The following SNX1 variants were observed in gnomAD, a reference collection of about 807,000 sequenced individuals.
SNX1 encodes the protein sorting nexin-1.
In SNX1, 36 loss-of-function variants were observed where a neutral mutation model predicts 71.8. That is an observed-to-expected ratio of 0.50 (90% confidence interval 0.38 to 0.66). SNX1 has a LOEUF of 0.66. Ranked by LOEUF, SNX1 falls within the 30% of genes least tolerant of loss-of-function variation. The probability of loss-of-function intolerance (pLI) is 0.00; values close to 1 mark genes in which losing one functional copy is unlikely to be tolerated. For synonymous variants in SNX1, 254 were observed against 240.7 expected (o/e 1.06, Z -0.51); for missense variants, 612 against 646.7 (o/e 0.95, Z 0.58).
At position 64,143,088 on chromosome 15, in the gene SNX1, C is replaced by T. The variant is rs1458595197; in HGVS notation, c.*5470C>T. The T allele has an allele frequency of 5.7e-6, 1 of 174,264 alleles. No homozygotes were observed. Among genetic ancestry groups the T allele is most frequent in the African/African-American group, 2.4e-5 (1 of 41,774 alleles). 10.8% of individuals were successfully genotyped at this position (174,264 alleles called of 1,614,324 possible). On this transcript the variant is annotated 3_prime_UTR_variant, in exon 15 of 15. Transcript: ENST00000559844. ...AAGCCCCAAGGTGGTGGGATTTTCC[C>T]CACCAGTACTTGGCAGCCTAGGGGG...
intron 2 of SNX1, 101 bp downstream of exon 2, chr15:64,112,785 TA>T: frequency 1.5e-6 from 1 of 653,354 alleles, no homozygotes; most frequent in Non-Finnish European, 2.6e-6. Context: ...ATTGGGAACA[TA>T]ACTTTATGTA....
intron 1 of SNX1, among the ~76,000 whole-genome samples, chr15:64,102,761 C>T (rs1419260681): frequency 2.6e-5 from 2 of 76,424 alleles, no homozygotes. Context: ...ACCACGCCTT[C>T]TTTTTTTTTT....
chr15:64,127,653 T>A, intron 7 of SNX1, 78 bp from the exon 8 acceptor site: 1 of 992,610 alleles, frequency 1.0e-6, no homozygotes. Context: ...AGACATGGTA[T>A]CACTGCCAGC....
At chr15:64,110,223 G>GA (rs1171746827) in intron 1 of SNX1, among the ~76,000 whole-genome samples, 2 of 152,146 alleles carry the variant, frequency 1.3e-5, no homozygotes, top group African/African-American at 2.4e-5. Context: ...GAGAACTACA[G>GA]AAAAAAGATT....
At chr15:64,104,076 A>G (rs764321272) in intron 1 of SNX1, among the ~76,000 whole-genome samples, 3 of 152,138 alleles carry the variant, frequency 2.0e-5, no homozygotes, top group Admixed American at 6.6e-5. Flanking sequence ...AAAAAGTGAT[A>G]GGTATATGCA....
In SNX1 at chr15:64,142,809, G is replaced by A. The variant is rs2140169401; in HGVS notation, c.*5191G>A. 1.6e-5 allele frequency: 6 copies of A among 371,036 alleles called. No homozygotes were observed. The highest frequency in any genetic ancestry group is 1.1e-4 in the South Asian group (6 of 52,314). The allele number at this position is 371,036 out of a possible 1,614,324, so 23.0% of individuals were successfully genotyped here. A position where few individuals can be genotyped will look rare whatever the true frequency, so the allele number is the denominator to read the frequency against. On this transcript the variant is annotated 3_prime_UTR_variant, in exon 15 of 15. Transcript: ENST00000559844. ...AGTGACAAAATAAATGAGAGAAACGGGAATAAGAATTGTCGCCTACACAAA... is the reference window on the plus strand; with the variant it reads ...AGTGACAAAATAAATGAGAGAAACGAGAATAAGAATTGTCGCCTACACAAA...
At chr15:64,098,075 C>T (rs2080921573) in intron 1 of SNX1, among the ~76,000 whole-genome samples, 1 of 152,204 alleles carries the variant, frequency 6.6e-6, no homozygotes, top group Non-Finnish European at 1.5e-5. Flanking sequence ...CCCTGTGTTG[C>T]CCAGGCTTGT....
rs1260715058 is a variant in SNX1, at chr15:64,104,864, G to A, written c.160-7709G>A. On this transcript the variant is annotated intron_variant, in intron 1 of 14. Transcript: ENST00000559844. ...TGCGCCACTGCACTCCAGCCTGGGC[G>A]ACAGAGCAAGACTTGATCTTAAAAA... Among the ~76,000 whole-genome samples the A allele has an allele frequency of 2.3e-4, 33 of 144,252 alleles. 1 individual carries two copies. The highest frequency in any genetic ancestry group is 2.2e-4 in the South Asian group (1 of 4,546). The allele number at this position is 144,252 out of a possible 152,430, so 94.6% of individuals were successfully genotyped here.
At chr15:64,122,797 T>G (rs565571734) in intron 4 of SNX1, among the ~76,000 whole-genome samples, 1 of 152,182 alleles carries the variant, frequency 6.6e-6, no homozygotes, top group Non-Finnish European at 1.5e-5. Flanking sequence ...TTTATCTCCT[T>G]AAGTGGTCTA....
In SNX1 at chr15:64,141,026, T is replaced by TG. The variant is rs1567337234; in HGVS notation, c.*3409dup. Reference sequence around the variant, plus strand: ...ATAGATAGATAGATAGATAGATAGATGATAGATATAGATAGATAGATAGAT... The same window carrying TG: ...ATAGATAGATAGATAGATAGATAGATGGATAGATATAGATAGATAGATAGAT... On this transcript the variant is annotated 3_prime_UTR_variant, in exon 15 of 15. Transcript: ENST00000559844. This position sits in a 1 kb window ranked among gnomAD's most constrained non-coding sequence, Gnocchi z 5.1. 2.4e-5 allele frequency: 2 copies of TG among 83,730 alleles called. No homozygotes were observed. The highest frequency in any genetic ancestry group is 9.8e-5 in the African/African-American group (2 of 20,484). 5.2% of individuals were successfully genotyped at this position (83,730 alleles called of 1,614,324 possible). A position where few individuals can be genotyped will look rare whatever the true frequency, so the allele number is the denominator to read the frequency against.
At chr15:64,096,312 T>G in intron 1 of SNX1, 140 bp downstream of exon 1, 4 of 1,033,932 alleles carry the variant, frequency 3.9e-6, no homozygotes, top group African/African-American at 3.3e-5. Context: ...CCGGGGACCC[T>G]GGATGTGCTC....
At chr15:64,124,147 CATATATATATAT>C (rs10523424) in intron 5 of SNX1, among the ~76,000 whole-genome samples, 1,549 of 105,192 alleles carry the variant, frequency 0.015, 78 homozygotes, top group South Asian at 0.037. Context: ...GAAATCTTTA[CATATATATATAT>C]ATATATATAT....
chr15:64,126,693 C>T (rs1249191357), intron 6 of SNX1, among the ~76,000 whole-genome samples: 3 of 152,124 alleles, frequency 2.0e-5, no homozygotes, highest in East Asian at 3.9e-4. Flanking sequence ...GATTCTCCTG[C>T]CTCAGCCTCC....
chr15:64,110,123 C>T (rs535408579), intron 1 of SNX1, among the ~76,000 whole-genome samples: 5 of 152,130 alleles, frequency 3.3e-5, no homozygotes, highest in South Asian at 4.2e-4. Flanking sequence ...GATTTTTGTA[C>T]GCTTTTTAAT....
Position 64,134,548 on chromosome 15 carries a change from A to G in SNX1, c.1222-116A>G. The G allele has an allele frequency of 7.9e-7, 1 of 1,265,378 alleles. No individual in the cohort carries two copies. Among genetic ancestry groups the G allele is most frequent in the African/African-American group, 1.5e-5 (1 of 66,318 alleles). 78.4% of individuals were successfully genotyped at this position (1,265,378 alleles called of 1,614,324 possible). On this transcript the variant is annotated intron_variant, in intron 11 of 14. Coordinates refer to ENST00000559844, the MANE Select transcript of SNX1 (RefSeq NM_003099.5). This position sits in a 1 kb window ranked among gnomAD's most constrained non-coding sequence, Gnocchi z 4.1. ...GCTGGGCACTAACATGTGGCTGCAG[A>G]ACCTGCCCTTGCTCAGTCTGTCCCT...
In SNX1 at chr15:64,118,133, A is replaced by G; in HGVS notation, c.288A>G (p.Leu96=). 2 of 1,612,444 alleles carry G rather than the reference A, an allele frequency of 1.2e-6. No homozygotes were observed. Among genetic ancestry groups the G allele is most frequent in the Non-Finnish European group, 1.7e-6 (2 of 1,179,478 alleles). Residue 96 remains leucine, a synonymous_variant, in exon 3 of 15, where the codon CTA becomes CTG. Transcript: ENST00000559844. ...TCATTTTAGATGCCACAGTGGAGCT[A>G]TCCTTGGACAGCACACAAAATAATC... ...QDLFADATVE[L]SLDSTQNNQK...
intron 13 of SNX1, 25 bp downstream of exon 13, chr15:64,136,435 A>G (rs759989941): frequency 1.9e-6 from 3 of 1,590,710 alleles, no homozygotes; most frequent in Non-Finnish European, 2.6e-6. Flanking sequence ...CCTACTTCTC[A>G]CTTAGCATGC....
intron 14 of SNX1, 115 bp downstream of exon 14, chr15:64,137,047 C>T (rs1178188293): frequency 1.3e-6 from 1 of 748,542 alleles, no homozygotes; most frequent in African/African-American, 1.8e-5. Context: ...CTGGGCCCTC[C>T]TATAGTCCAT....
At position 64,138,324 on chromosome 15, in the gene SNX1, T is replaced by TA; in HGVS notation, c.*706_*707insA. 30 of 668,932 alleles carry TA rather than the reference T, an allele frequency of 4.5e-5. No individual in the cohort carries two copies. The highest frequency in any genetic ancestry group is 5.6e-5 in the Non-Finnish European group (26 of 463,172). 41.4% of individuals were successfully genotyped at this position (668,932 alleles called of 1,614,324 possible). A position where few individuals can be genotyped will look rare whatever the true frequency, so the allele number is the denominator to read the frequency against. ...AAAGGAGGCAGAGACTTTCTCTCTCTCTTTTTTTTTTTTTTTTGGTGTCCC... is the reference window on the plus strand; with the variant it reads ...AAAGGAGGCAGAGACTTTCTCTCTCTACTTTTTTTTTTTTTTTTGGTGTCCC... On this transcript the variant is annotated 3_prime_UTR_variant, in exon 15 of 15. Coordinates refer to ENST00000559844, the MANE Select transcript of SNX1 (RefSeq NM_003099.5).
Sources: allele counts gnomAD v4.1 joint callset (sites outside exome capture counted in the v4.1 genomes callset), GRCh38; gene constraint gnomAD v4.1.1; non-coding constraint Gnocchi (gnomAD v3.1); transcripts MANE v1.5; gene names NCBI Gene and HGNC (gene_info 2026-07-23, HGNC 2026-07-21).